Variants in FSTL5 observed in about 807,000 individuals in gnomAD.
FSTL5 encodes the protein follistatin like 5.
A neutral mutation model predicts 89.1 loss-of-function variants in FSTL5; 62 were observed. The ratio of observed to expected loss-of-function variants is 0.70; its 90% CI spans 0.57 to 0.86. The LOEUF is 0.86. Ranked by LOEUF, FSTL5 falls within the 40% of genes least tolerant of loss-of-function variation. FSTL5 has a pLI of 0.00. For synonymous variants in FSTL5, 383 were observed against 346.2 expected, an observed-to-expected ratio of 1.11 and a Z score of -1.18; for missense variants, 1,057 against 1,001.6, an observed-to-expected ratio of 1.06 and a Z score of -0.75.
intron 15 of FSTL5, among the ~76,000 whole-genome samples, chr4:161,434,362 G>C (rs1732483496): frequency 6.6e-6 from 1 of 152,026 alleles, no homozygotes; most frequent in South Asian, 2.1e-4. Context: ...ATATGCAGAA[G>C]AATAAAATTA....
At chr4:161,736,739 T>C (rs954161253) in intron 6 of FSTL5, among the ~76,000 whole-genome samples, 2 of 152,120 alleles carry the variant, frequency 1.3e-5, no homozygotes, top group African/African-American at 4.8e-5. Flanking sequence ...TCCTGCAGAT[T>C]AGAGGCAGTT....
In FSTL5 at chr4:162,000,892, G is replaced by A. The variant is rs945178702; in HGVS notation, c.160+32733C>T. Among the ~76,000 whole-genome samples, 4 of 152,174 alleles carry A rather than the reference G, an allele frequency of 2.6e-5. No individual in the cohort carries two copies. In the East Asian group the frequency reaches 7.7e-4, roughly 29 times the overall value. On this transcript the variant is annotated intron_variant, in intron 3 of 15. Transcript: ENST00000306100. ...AATGGGAGAGAGAAGAAGGGATGGA[G>A]GGAAGAGGGAGGGAAGGAATGCCTG... is the stretch of plus-strand genomic sequence containing the variant.
chr4:161,745,574 A>T (rs1740170769), intron 6 of FSTL5, among the ~76,000 whole-genome samples: 1 of 151,980 alleles, frequency 6.6e-6, no homozygotes, highest in Non-Finnish European at 1.5e-5. Context: ...TTGACTGTAA[A>T]ATGTCTACAA....
At position 161,385,973 on chromosome 4, in the gene FSTL5, G is replaced by A. The variant is rs1730615715; in HGVS notation, c.2318C>T (p.Ser773Phe). ...ACTCTTTATCATCTTGACCTTCCCA[G>A]AAGAGAGCTCCACAAAGAGCACATC... ...QTDVLFVELS[S>F]GKVKMIKSLK... Residue 773 changes from serine to phenylalanine, a missense_variant, in exon 16 of 16, where the codon TCT (serine) becomes TTT (phenylalanine). Around this residue, in one of 3 missense-constraint regions of FSTL5, gnomAD observed 9 missense variants for 25.0 expected, o/e 0.36. Transcript: ENST00000306100. 1.2e-6 allele frequency: 2 copies of A among 1,613,916 alleles called. No homozygotes were observed. Among genetic ancestry groups the A allele is most frequent in the East Asian group, 2.2e-5 (1 of 44,864 alleles).
chr4:161,884,633 T>A (rs914120493), intron 4 of FSTL5, among the ~76,000 whole-genome samples: 5 of 152,202 alleles, frequency 3.3e-5, no homozygotes, highest in Admixed American at 3.3e-4. Context: ...TATTGTTTTT[T>A]AAATTACCTT....
At chr4:161,901,470 C>T (rs1733362606) in intron 4 of FSTL5, among the ~76,000 whole-genome samples, 1 of 152,164 alleles carries the variant, frequency 6.6e-6, no homozygotes, top group East Asian at 1.9e-4. Context: ...CAGATTTGGC[C>T]AGATCATATG....
At chr4:161,694,070 A>T (rs940918743) in intron 6 of FSTL5, among the ~76,000 whole-genome samples, 8 of 148,534 alleles carry the variant, frequency 5.4e-5, no homozygotes, top group Admixed American at 2.0e-4. Flanking sequence ...CTTTACAAAG[A>T]ACCAACTTTT....
At chr4:162,004,677 A>T (rs576909105) in intron 3 of FSTL5, among the ~76,000 whole-genome samples, 35 of 152,262 alleles carry the variant, frequency 2.3e-4, no homozygotes, top group Non-Finnish European at 5.1e-4. Context: ...TTATTAAATA[A>T]AATTATTTTT....
chr4:162,032,447 T>C (rs766267664), intron 3 of FSTL5: 6 of 152,188 alleles, frequency 3.9e-5, no homozygotes, highest in Admixed American at 6.6e-5. Flanking sequence ...CAAGCGATAC[T>C]TCAGTTTGCT....
chr4:161,654,879 C>T (rs774916445), intron 7 of FSTL5, among the ~76,000 whole-genome samples: 15 of 152,180 alleles, frequency 9.9e-5, no homozygotes, highest in Non-Finnish European at 1.8e-4. Flanking sequence ...GGATAATGTT[C>T]ACTTTTTGAT....
At chr4:161,914,054 G>T (rs185996482) in intron 4 of FSTL5, among the ~76,000 whole-genome samples, 1 of 152,112 alleles carries the variant, frequency 6.6e-6, no homozygotes, top group Non-Finnish European at 1.5e-5. Flanking sequence ...GGGGTGGAAT[G>T]ATATGGTTTA....
In FSTL5 at chr4:162,004,327, T is replaced by G. The variant is rs567280162; in HGVS notation, c.160+29298A>C. ...CTTTCACTTATTACAACCAATCCAT[T>G]ACTAGGTCCCATTGACTCTGCTTCC... is the stretch of plus-strand genomic sequence containing the variant. On this transcript the variant is annotated intron_variant, in intron 3 of 15. Coordinates refer to ENST00000306100, the MANE Select transcript of FSTL5 (RefSeq NM_020116.5). Among the ~76,000 whole-genome samples the G allele has an allele frequency of 3.1e-4, 47 of 152,300 alleles. No individual in the cohort carries two copies. The South Asian group carries it at 9.1e-3, about 30-fold the overall frequency.
At chr4:161,573,412 C>CAAA (rs59381258) in intron 8 of FSTL5, among the ~76,000 whole-genome samples, 11 of 119,678 alleles carry the variant, frequency 9.2e-5, no homozygotes, top group South Asian at 6.1e-4. Context: ...AAAACCCTGT[C>CAAA]AAAAAAAAAA....
At chr4:161,609,620 A>T (rs968306223) in intron 7 of FSTL5, among the ~76,000 whole-genome samples, 14 of 148,190 alleles carry the variant, frequency 9.4e-5, no homozygotes, top group Middle Eastern at 3.5e-3. Flanking sequence ...AATGGTCTAA[A>T]TTTTTTTTTT....
chr4:161,619,285 G>T (rs1228618095), intron 7 of FSTL5, among the ~76,000 whole-genome samples: 2 of 152,110 alleles, frequency 1.3e-5, no homozygotes, highest in African/African-American at 4.8e-5. Context: ...CATGGGCAAG[G>T]ACTTCATGTC....
chr4:161,917,274 A>G (rs1733867978), intron 4 of FSTL5, among the ~76,000 whole-genome samples: 1 of 152,182 alleles, frequency 6.6e-6, no homozygotes, highest in Admixed American at 6.5e-5. Context: ...GTTTAAACAT[A>G]AATGCCAAAT....
At chr4:161,787,591 C>CA (rs781543982) in intron 4 of FSTL5, among the ~76,000 whole-genome samples, 73 of 152,132 alleles carry the variant, frequency 4.8e-4, no homozygotes, top group Non-Finnish European at 7.8e-4. Flanking sequence ...ATAACTATTG[C>CA]AAATTAGATG....
chr4:161,496,721 C>G (rs1730087417), intron 12 of FSTL5, among the ~76,000 whole-genome samples: 1 of 151,776 alleles, frequency 6.6e-6, no homozygotes, highest in African/African-American at 2.4e-5. Flanking sequence ...TTGACATATC[C>G]CACCTGCAGT....
intron 2 of FSTL5, among the ~76,000 whole-genome samples, chr4:162,054,062 A>T (rs1046681404): frequency 6.6e-6 from 1 of 151,822 alleles, no homozygotes; most frequent in Admixed American, 6.6e-5. Context: ...ATTTAGCAAA[A>T]TGAATGCACT....
Sources: gnomAD v4.1 joint callset for allele counts (sites outside exome capture counted in the v4.1 genomes callset) on GRCh38, gnomAD v4.1.1 for gene constraint, gnomAD v4.1.1 regional missense constraint, MANE v1.5 for transcripts, NCBI Gene and HGNC (gene_info 2026-07-23, HGNC 2026-07-21) for gene names.